The following MAMDC2 variants were observed in gnomAD, a reference collection of about 807,000 sequenced individuals.
The protein encoded by MAMDC2 is MAM domain containing 2.
In MAMDC2, 57 loss-of-function variants were observed where a neutral mutation model predicts 89.8. That is an observed-to-expected ratio of 0.63 (90% CI 0.51 to 0.79). The LOEUF (loss-of-function observed/expected upper bound fraction) is 0.79. Ranked by LOEUF, MAMDC2 falls within the 30% of genes least tolerant of loss-of-function variation. The pLI, the probability that MAMDC2 is intolerant of heterozygous loss-of-function variation, is 0.00. For synonymous variants in MAMDC2, 313 were observed against 293.4 expected, an observed-to-expected ratio of 1.07 and a Z score of -0.68; for missense variants, 800 against 820.6, an observed-to-expected ratio of 0.97 and a Z score of 0.31.
At chr9:70,207,837 G>C (rs901041365) in intron 11 of MAMDC2, among the ~76,000 whole-genome samples, 2 of 152,184 alleles carry the variant, frequency 1.3e-5, no homozygotes, top group Non-Finnish European at 2.9e-5. Flanking sequence ...TCCAGTTACA[G>C]CTTTCCACAT....
At chr9:70,126,826 G>GC (rs1440222168) in intron 6 of MAMDC2, among the ~76,000 whole-genome samples, 2 of 124,590 alleles carry the variant, frequency 1.6e-5, no homozygotes, top group Non-Finnish European at 3.5e-5. Flanking sequence ...TGAGTGAACT[G>GC]TTTTTTTTTT....
intron 11 of MAMDC2, among the ~76,000 whole-genome samples, chr9:70,209,591 G>C (rs1054145630): frequency 3.9e-5 from 3 of 76,184 alleles, no homozygotes; most frequent in Admixed American, 1.6e-4. Context: ...CCAGCTCCTG[G>C]ATTCACTGAT....
At chr9:70,144,024 A>G (rs1388705154) in intron 9 of MAMDC2, among the ~76,000 whole-genome samples, 1 of 152,232 alleles carries the variant, frequency 6.6e-6, no homozygotes, top group South Asian at 2.1e-4. Context: ...ACAGCCACCT[A>G]GAGAGTTTGC....
At chr9:70,060,653 T>A (rs879367623) in intron 2 of MAMDC2, 3 of 152,066 alleles carry the variant, frequency 2.0e-5, no homozygotes, top group Admixed American at 1.3e-4. Context: ...GATACTAAAT[T>A]CCAAGACACT....
At chr9:70,213,942 T>C (rs963369715) in intron 11 of MAMDC2, among the ~76,000 whole-genome samples, 2 of 152,174 alleles carry the variant, frequency 1.3e-5, no homozygotes, top group African/African-American at 4.8e-5. Flanking sequence ...GGTGGAGCCA[T>C]GTGCCCTAGA....
chr9:70,143,809 T>C lies in MAMDC2; in HGVS notation c.1394T>C (p.Met465Thr), dbSNP rs202117133. The change falls in exon 9 of 14, where the codon ATG (methionine) becomes ACG (threonine). Residue 465 changes from methionine to threonine, a missense_variant. Coordinates refer to ENST00000377182, the MANE Select transcript of MAMDC2 (RefSeq NM_153267.5). ...MQAEITFKKP[M>T]PTKVVFMSLC... Reference sequence around the variant, plus strand: ...GCTGAAATCACCTTTAAGAAGCCCATGCCTACCAAGGTACAGCAGAGCCAA... The same window carrying C: ...GCTGAAATCACCTTTAAGAAGCCCACGCCTACCAAGGTACAGCAGAGCCAA... 38 of 1,613,872 alleles carry C rather than the reference T, an allele frequency of 2.4e-5. No individual in the cohort carries two copies. Among genetic ancestry groups the C allele is most frequent in the South Asian group, 1.1e-5 (1 of 91,084 alleles).
chr9:70,185,747 C>T (rs2032741847), intron 11 of MAMDC2, among the ~76,000 whole-genome samples: 1 of 152,182 alleles, frequency 6.6e-6, no homozygotes, highest in Admixed American at 6.5e-5. Flanking sequence ...ACTCCATCAT[C>T]CCAGGTCAAC....
At chr9:70,065,899 G>T (rs1194621801) in intron 2 of MAMDC2, among the ~76,000 whole-genome samples, 1 of 152,070 alleles carries the variant, frequency 6.6e-6, no homozygotes, top group African/African-American at 2.4e-5. Flanking sequence ...GCCAAATGTT[G>T]TTCTTGAGCA....
chr9:70,117,941 A>G (rs2030084121), intron 5 of MAMDC2, among the ~76,000 whole-genome samples: 1 of 152,240 alleles, frequency 6.6e-6, no homozygotes. Context: ...TATGAAATAA[A>G]TGATATGAAA....
chr9:70,197,523 T>C (rs1190884880), intron 11 of MAMDC2, among the ~76,000 whole-genome samples: 2 of 152,082 alleles, frequency 1.3e-5, no homozygotes. Flanking sequence ...GTGTGGGTAT[T>C]ACTGAAATTT....
At chr9:70,132,893 T>C (rs12338382) in intron 7 of MAMDC2, among the ~76,000 whole-genome samples, 2,845 of 152,260 alleles carry the variant, frequency 0.019, 82 homozygotes, top group African/African-American at 0.065. Context: ...TTGCTGAAAT[T>C]GAATACTATT....
At chr9:70,131,687 T>C (rs768458398) in intron 7 of MAMDC2, 75 bp downstream of exon 7, 91 of 1,025,158 alleles carry the variant, frequency 8.9e-5, no homozygotes, top group Non-Finnish European at 1.3e-4. Flanking sequence ...GAACTTGTTT[T>C]AATTGCTTTT....
chr9:70,069,049 T>C (rs563728651), intron 2 of MAMDC2, among the ~76,000 whole-genome samples: 75 of 152,284 alleles, frequency 4.9e-4, no homozygotes, highest in African/African-American at 1.7e-3. Flanking sequence ...AATTTGCTAT[T>C]GCTTGGAAGG....
intron 11 of MAMDC2, among the ~76,000 whole-genome samples, chr9:70,180,910 A>C (rs1006698516): frequency 6.6e-6 from 1 of 152,186 alleles, no homozygotes; most frequent in Non-Finnish European, 1.5e-5. Context: ...TTGATATTTT[A>C]GTCATGAAGT....
chr9:70,204,945 C>G (rs1333563446), intron 11 of MAMDC2, among the ~76,000 whole-genome samples: 2 of 152,232 alleles, frequency 1.3e-5, no homozygotes, highest in African/African-American at 2.4e-5. Context: ...ACTGGCCTGC[C>G]CCCACTGTCT....
chr9:70,111,264 A>AATG (rs113131263), intron 4 of MAMDC2, among the ~76,000 whole-genome samples: 4,991 of 152,302 alleles, frequency 0.033, 258 homozygotes, highest in African/African-American at 0.11. Context: ...TAGGAGGAGG[A>AATG]ATATCCTGGT....
chr9:70,183,653 A>T (rs2032689917), intron 11 of MAMDC2, among the ~76,000 whole-genome samples: 1 of 152,154 alleles, frequency 6.6e-6, no homozygotes, highest in African/African-American at 2.4e-5. Context: ...TTTATCAGAG[A>T]CTAGGATTGC....
intron 9 of MAMDC2, among the ~76,000 whole-genome samples, chr9:70,154,527 A>ATTTTTT (rs10710715): frequency 1.5e-5 from 2 of 135,848 alleles, no homozygotes; most frequent in African/African-American, 2.8e-5. Flanking sequence ...ATTTGGAACA[A>ATTTTTT]TTTTTTTTTT....
At chr9:70,193,178 T>C (rs1166333348) in intron 11 of MAMDC2, among the ~76,000 whole-genome samples, 1 of 152,134 alleles carries the variant, frequency 6.6e-6, no homozygotes, top group African/African-American at 2.4e-5. Context: ...AATTTACTTG[T>C]CTTTTTTGTT....
Sources: gnomAD v4.1 joint callset for allele counts (sites outside exome capture counted in the v4.1 genomes callset) on GRCh38, gnomAD v4.1.1 for gene constraint, MANE v1.5 for transcripts, NCBI Gene and HGNC (gene_info 2026-07-23, HGNC 2026-07-21) for gene names.